HIBCH: variants seen among roughly 807,000 people sequenced by gnomAD.
HIBCH encodes 3-hydroxyisobutyryl-CoA hydrolase, mitochondrial.
Under a neutral mutation model 58.2 loss-of-function variants are expected in HIBCH, and 50 were observed. The ratio of observed to expected loss-of-function variants is 0.86; its 90% confidence interval spans 0.68 to 1.09. The LOEUF (loss-of-function observed/expected upper bound fraction) is 1.09. HIBCH is among the 50% of genes least tolerant of loss of function. The probability of loss-of-function intolerance (pLI) is 0.00; values close to 1 mark genes in which losing one functional copy is unlikely to be tolerated. For missense variants in HIBCH, 450 were observed against 449.7 expected (o/e 1.00, Z -0.01); for synonymous variants, 151 against 146.9 (o/e 1.03, Z -0.20).
chr2:190,279,996 T>C lies in HIBCH; in HGVS notation c.438+7590A>G, dbSNP rs1277004576. ...ATTACCCTGTCCCCTTTGTTCGCTG[T>C]ACTCTTGTAGCAAAACTGCCGGCAA... On this transcript the variant is annotated intron_variant, in intron 6 of 13. Transcript: ENST00000359678. The surrounding 1 kb of genome is among the most constrained non-coding windows in gnomAD (Gnocchi z 4.2). 1 of 152,314 alleles carries C rather than the reference T, an allele frequency of 6.6e-6. No homozygotes were observed. Among genetic ancestry groups the C allele is most frequent in the Admixed American group, 6.5e-5 (1 of 15,282 alleles). The allele number at this position is 152,314 out of a possible 1,614,324, so 9.4% of individuals were successfully genotyped here.
At chr2:190,235,464 G>C (rs981229571) in intron 11 of HIBCH, among the ~76,000 whole-genome samples, 1 of 152,042 alleles carries the variant, frequency 6.6e-6, no homozygotes, top group Non-Finnish European at 1.5e-5. Context: ...CATTTCTTTA[G>C]TTCATGTGTG....
chr2:190,313,532 T>G (rs1489335151), intron 1 of HIBCH, among the ~76,000 whole-genome samples: 1 of 152,044 alleles, frequency 6.6e-6, no homozygotes, highest in East Asian at 1.9e-4. Flanking sequence ...GTGCTGACTT[T>G]TCTTCACAAC....
Position 190,246,157 on chromosome 2 carries a change from T to C in HIBCH, c.806A>G (p.Asn269Ser), listed in dbSNP as rs771765966. Reference protein sequence around the residue: ...FILEEHMDKINSCFSANTVEE... With the variant: ...FILEEHMDKISSCFSANTVEE... ...ACTGAGATCTCTTTTTAGGTACCTG[T>C]TTATTTTGTCCATGTGTTCCTCAAG... Residue 269 changes from asparagine (N) to serine (S), a missense_variant, in exon 10 of 14, where the codon AAC becomes AGC. Physicochemically the swap from Asn to Ser is conservative, Grantham distance 46. Coordinates refer to ENST00000359678, the MANE Select transcript of HIBCH (RefSeq NM_014362.4). 3.8e-6 allele frequency: 6 copies of C among 1,565,104 alleles called. No individual in the cohort carries two copies. In the South Asian group the frequency reaches 6.7e-5, roughly 17 times the overall value.
chr2:190,198,801 A>T (rs887990285), intron 1 of HIBCH, among the ~76,000 whole-genome samples: 1 of 152,112 alleles, frequency 6.6e-6, no homozygotes, highest in African/African-American at 2.4e-5. Context: ...GCTGTCTTGT[A>T]TTGTTTTAGT....
At position 190,197,755 on chromosome 2, in the gene HIBCH, A is replaced by G. The variant is rs1413655743; in HGVS notation, c.*17+7345T>C. 1.3e-5 allele frequency among the ~76,000 whole-genome samples: 2 copies of G among 152,230 alleles called. No individual in the cohort carries two copies. Among genetic ancestry groups the G allele is most frequent in the Non-Finnish European group, 1.5e-5 (1 of 68,026 alleles). On this transcript the variant is annotated intron_variant, in intron 1 of 1. Transcript: ENST00000399855. This position sits in a 1 kb window ranked among gnomAD's most constrained non-coding sequence, Gnocchi z 4.0. The stretch of plus-strand genomic sequence containing the variant: ...GGCAACATATATTTTGTCTGGTTTT[A>G]AAACTGGTTTTGGCAAATGCACAAA...
At chr2:190,299,712 G>A (rs753150521) in intron 2 of HIBCH, among the ~76,000 whole-genome samples, 1 of 152,024 alleles carries the variant, frequency 6.6e-6, no homozygotes, top group African/African-American at 2.4e-5. Context: ...GGGTACATGC[G>A]CAGGTTTGTT....
intron 11 of HIBCH, among the ~76,000 whole-genome samples, chr2:190,238,247 A>G (rs1412498504): frequency 6.6e-6 from 1 of 152,110 alleles, no homozygotes; most frequent in Admixed American, 6.6e-5. Flanking sequence ...GAATCGGCAC[A>G]TTGTCTTCCA....
In HIBCH at chr2:190,243,139, T is replaced by C. The variant is rs1234517970; in HGVS notation, c.891+1748A>G. Among the ~76,000 whole-genome samples, 2 of 152,138 alleles carry C rather than the reference T, an allele frequency of 1.3e-5. No homozygotes were observed. On this transcript the variant is annotated intron_variant, in intron 11 of 13. Coordinates refer to ENST00000359678, the MANE Select transcript of HIBCH (RefSeq NM_014362.4). This position sits in a 1 kb window ranked among gnomAD's most constrained non-coding sequence, Gnocchi z 4.1. ...CAAAAGAGATTAACATTTGAGTCAGTGGGCTGGGCAAGGCAGATCCACCCT... is the reference window on the plus strand; with the variant it reads ...CAAAAGAGATTAACATTTGAGTCAGCGGGCTGGGCAAGGCAGATCCACCCT...
intron 7 of HIBCH, among the ~76,000 whole-genome samples, chr2:190,259,319 ATG>A (rs370172555): frequency 0.041 from 5,061 of 122,082 alleles, 114 homozygotes; most frequent in Middle Eastern, 0.094. Flanking sequence ...CAGTATACAG[ATG>A]TGTGTGTGTG....
At chr2:190,285,147 A>G (rs1687799857) in intron 6 of HIBCH, among the ~76,000 whole-genome samples, 1 of 152,208 alleles carries the variant, frequency 6.6e-6, no homozygotes, top group Non-Finnish European at 1.5e-5. Context: ...ATAAAATGTC[A>G]GCTTTGCTAC....
At chr2:190,251,252 A>G (rs899334106) in intron 8 of HIBCH, among the ~76,000 whole-genome samples, 2 of 152,088 alleles carry the variant, frequency 1.3e-5, no homozygotes, top group African/African-American at 4.8e-5. Context: ...ATCCTAAAAC[A>G]CCCTTCCCTT....
At chr2:190,201,352 T>C (rs1403156776), downstream of HIBCH, 1 of 166,988 alleles carries the variant, frequency 6.0e-6, no homozygotes, top group African/African-American at 2.4e-5. Flanking sequence ...AAGAAGAAAT[T>C]AAGACATGAC....
rs376126824 is a variant in HIBCH at position 190,211,761 on chromosome 2, T to C, written c.1011+1195A>G. On this transcript the variant is annotated intron_variant, in intron 12 of 13. Coordinates refer to ENST00000359678, the MANE Select transcript of HIBCH (RefSeq NM_014362.4). The surrounding 1 kb of genome is among the most constrained non-coding windows in gnomAD (Gnocchi z 5.0). ...ACTTATTTTGTTTACTTGTTCTTTG[T>C]AGTCTCAGTAGACTAAACCCATGAA... 1.3e-5 allele frequency among the ~76,000 whole-genome samples: 2 copies of C among 152,352 alleles called. No individual in the cohort carries two copies. Among genetic ancestry groups the C allele is most frequent in the South Asian group, 2.1e-4 (1 of 4,828 alleles).
At chr2:190,212,905 C>T (rs752558202) in intron 12 of HIBCH, 51 bp downstream of exon 12, 12 of 1,489,388 alleles carry the variant, frequency 8.1e-6, no homozygotes, top group Middle Eastern at 2.4e-4. Flanking sequence ...CTACAATAAA[C>T]GTATGTTACT....
chr2:190,220,729 T>C (rs1685695784), intron 11 of HIBCH, among the ~76,000 whole-genome samples: 1 of 151,722 alleles, frequency 6.6e-6, no homozygotes, highest in Non-Finnish European at 1.5e-5. Context: ...GCTGACAAAA[T>C]CACTAGTTTT....
At chr2:190,277,305 C>G (rs763944895) in intron 6 of HIBCH, among the ~76,000 whole-genome samples, 1 of 152,102 alleles carries the variant, frequency 6.6e-6, no homozygotes, top group African/African-American at 2.4e-5. Context: ...TACTGTGCTA[C>G]TCTTCATGGT....
rs978512401 is a variant in HIBCH, at chr2:190,279,207, C to T, written c.438+8379G>A. Among the ~76,000 whole-genome samples the T allele has an allele frequency of 2.6e-5, 4 of 152,176 alleles. No individual in the cohort carries two copies. Among genetic ancestry groups the T allele is most frequent in the African/African-American group, 7.2e-5 (3 of 41,440 alleles). ...ATTCTTCCTGTGATAACCTATTAAT[C>T]CATGAATGGATCAAACTACTCTACC... is the stretch of plus-strand genomic sequence containing the variant. On this transcript the variant is annotated intron_variant, in intron 6 of 13. Coordinates refer to ENST00000359678, the MANE Select transcript of HIBCH (RefSeq NM_014362.4). The surrounding 1 kb of genome is among the most constrained non-coding windows in gnomAD (Gnocchi z 4.2).
rs532268624 is a variant in HIBCH, at chr2:190,274,378, AG to A, written c.439-13145del. Among the ~76,000 whole-genome samples, 125 of 152,356 alleles carry A rather than the reference AG, an allele frequency of 8.2e-4. 1 individual carries two copies. Among genetic ancestry groups the A allele is most frequent in the African/African-American group, 3.0e-3 (124 of 41,580 alleles). On this transcript the variant is annotated intron_variant, in intron 6 of 13. Coordinates refer to ENST00000359678, the MANE Select transcript of HIBCH (RefSeq NM_014362.4). ...TCAGTGGATAAACATAATCTGATTC[AG>A]TAGTTCCCATTTAACAGAGCACTAG...
intron 11 of HIBCH, among the ~76,000 whole-genome samples, chr2:190,229,215 A>G (rs531670244): frequency 1.3e-5 from 2 of 152,290 alleles, no homozygotes; most frequent in African/African-American, 2.4e-5. Flanking sequence ...GTATATTTAG[A>G]TCACTTTACT....
Sources: allele counts gnomAD v4.1 joint callset (sites outside exome capture counted in the v4.1 genomes callset), GRCh38; gene constraint gnomAD v4.1.1; non-coding constraint Gnocchi (gnomAD v3.1); transcripts MANE v1.5; gene names NCBI Gene and HGNC (gene_info 2026-07-23, HGNC 2026-07-21).